KNDC1: variants seen among roughly 807,000 people sequenced by gnomAD.
KNDC1 encodes kinase non-catalytic C-lobe domain containing 1.
Under a neutral mutation model 172.8 loss-of-function variants are expected in KNDC1, and 106 were observed. That is an observed-to-expected ratio of 0.61 (90% CI 0.52 to 0.72). The LOEUF is 0.72. Ranked by LOEUF, KNDC1 falls within the 30% of genes least tolerant of loss-of-function variation. KNDC1 has a pLI of 0.00. For synonymous variants in KNDC1, 1,083 were observed against 1,062.2 expected (o/e 1.02, Z -0.38); for missense variants, 2,325 against 2,394.5 (o/e 0.97, Z 0.61).
Position 133,186,666 on chromosome 10 carries a change from G to A in KNDC1, c.1318G>A (p.Ala440Thr), listed in dbSNP as rs372254199. ...AGCTAGGCAGCTGGAAAGTGCAGCCGCGGAGCAGGTGGGTGCCTGGGTCTT... is the reference window on the plus strand; with the variant it reads ...AGCTAGGCAGCTGGAAAGTGCAGCCACGGAGCAGGTGGGTGCCTGGGTCTT... ...EGARQLESAA[A>T]EQWVSLQDLL... The change falls in exon 6 of 30, where the codon GCG becomes ACG. Residue 440 changes from alanine (A) to threonine (T), a missense_variant. Ala to Thr is a moderately conservative substitution (Grantham distance 58). Transcript: ENST00000304613. 3.9e-5 allele frequency: 62 copies of A among 1,581,240 alleles called. No homozygotes were observed. The highest frequency in any genetic ancestry group is 1.7e-4 in the Middle Eastern group (1 of 5,952).
In KNDC1 at chr10:133,163,859, C is replaced by CG. The variant is rs1554908406; in HGVS notation, c.102+3295dup. ...GCTGCCCTGGAGAGCAGCCCAGTCC[C>CG]GGGGGTTCATGTCCACCTGCCTTCC... On this transcript the variant is annotated intron_variant, in intron 1 of 29. Coordinates refer to ENST00000304613, the MANE Select transcript of KNDC1 (RefSeq NM_152643.8). This position sits in a 1 kb window ranked among gnomAD's most constrained non-coding sequence, Gnocchi z 4.4. 6.6e-6 allele frequency among the ~76,000 whole-genome samples: 1 copy of CG among 151,784 alleles called. No homozygotes were observed. Among genetic ancestry groups the CG allele is most frequent in the Admixed American group, 6.6e-5 (1 of 15,260 alleles).
chr10:133,160,367 G>A lies in KNDC1; in HGVS notation c.-101G>A. The stretch of plus-strand genomic sequence containing the variant: ...CGGCAGCGGCGGGCGGGCGGGGGCG[G>A]GCGAGGGCCGGGCGCGTCTCCATGG... On this transcript the variant is annotated 5_prime_UTR_variant, in exon 1 of 30. Transcript: ENST00000304613. The A allele has an allele frequency of 2.1e-6, 1 of 482,552 alleles. No individual in the cohort carries two copies. The highest frequency in any genetic ancestry group is 3.0e-6 in the Non-Finnish European group (1 of 333,626). 29.9% of individuals were successfully genotyped at this position (482,552 alleles called of 1,614,324 possible). A position where few individuals can be genotyped will look rare whatever the true frequency, so the allele number is the denominator to read the frequency against.
chr10:133,183,814 G>A, intron 4 of KNDC1, 58 bp from the exon 5 acceptor site: 1 of 1,345,598 alleles, frequency 7.4e-7, no homozygotes, highest in Non-Finnish European at 1.0e-6. Flanking sequence ...TCGGGTGGGT[G>A]GCTGCGGGAG....
At chr10:133,190,290 C>T (rs933597895) in intron 9 of KNDC1, among the ~76,000 whole-genome samples, 5 of 136,406 alleles carry the variant, frequency 3.7e-5, no homozygotes, top group African/African-American at 1.1e-4. Context: ...AAGCACCCTG[C>T]GCTAACCACC....
intron 22 of KNDC1, 38 bp from the exon 23 acceptor site, chr10:133,211,641 G>A (rs1233543123): frequency 6.3e-6 from 10 of 1,591,690 alleles, no homozygotes; most frequent in Non-Finnish European, 8.6e-6. Context: ...TCCTCCAGAA[G>A]GTGGCAGTGA....
chr10:133,208,948 C>T (rs528772300), intron 20 of KNDC1, among the ~76,000 whole-genome samples: 40 of 151,748 alleles, frequency 2.6e-4, no homozygotes, highest in Middle Eastern at 3.4e-3. Flanking sequence ...TGTAAGCACA[C>T]GCATGTGTGG....
Position 133,187,603 on chromosome 10 carries a change from C to T in KNDC1, c.1326+929C>T, listed in dbSNP as rs972135208. 5.3e-5 allele frequency among the ~76,000 whole-genome samples: 8 copies of T among 152,254 alleles called. No individual in the cohort carries two copies. The East Asian group carries it at 5.8e-4, about 11-fold the overall frequency. ...CTCTCCCTGGCGGCACGCCTTCCCA[C>T]GCACAACAGCCTACCTTCCCGAAGG... is the stretch of plus-strand genomic sequence containing the variant. On this transcript the variant is annotated intron_variant, in intron 6 of 29. Transcript: ENST00000304613.
chr10:133,170,151 G>A (rs1853328867), intron 3 of KNDC1, among the ~76,000 whole-genome samples: 3 of 152,264 alleles, frequency 2.0e-5, no homozygotes, highest in Admixed American at 6.5e-5. Flanking sequence ...CTTGTGAGGG[G>A]ACTGAGGGGT....
chr10:133,192,852 GAGA>G (rs1179625618), intron 9 of KNDC1, among the ~76,000 whole-genome samples: 2 of 152,132 alleles, frequency 1.3e-5, no homozygotes, highest in Non-Finnish European at 2.9e-5. Flanking sequence ...GGAAAGAGAA[GAGA>G]AGGAGGGTGG....
chr10:133,170,770 A>T (rs1393604634), intron 3 of KNDC1, among the ~76,000 whole-genome samples: 2 of 152,228 alleles, frequency 1.3e-5, no homozygotes, highest in African/African-American at 4.8e-5. Context: ...GGTTGTGGAA[A>T]ACGCCTGGAT....
At chr10:133,221,546 T>C (rs749188922) in intron 29 of KNDC1, among the ~76,000 whole-genome samples, 5 of 152,060 alleles carry the variant, frequency 3.3e-5, no homozygotes, top group Non-Finnish European at 7.4e-5. Flanking sequence ...CCTGCCGTTG[T>C]CCACACACGG....
chr10:133,160,750 C>A (rs962480454), intron 1 of KNDC1, among the ~76,000 whole-genome samples, 181 bp downstream of exon 1: 5 of 152,134 alleles, frequency 3.3e-5, no homozygotes, highest in African/African-American at 4.8e-5. Flanking sequence ...GGGGACAGCA[C>A]CCCCGAATGC....
At chr10:133,184,041 C>CATA in intron 5 of KNDC1, 52 bp downstream of exon 5, 1 of 1,073,598 alleles carries the variant, frequency 9.3e-7, no homozygotes, top group Non-Finnish European at 1.4e-6. Context: ...TACCTGTGTG[C>CATA]CATGTATGCA....
intron 2 of KNDC1, 35 bp from the exon 3 acceptor site, chr10:133,168,219 A>G (rs369631325): frequency 5.0e-6 from 8 of 1,602,026 alleles, no homozygotes; most frequent in African/African-American, 4.0e-5. Flanking sequence ...AGGTGTGACC[A>G]GAAGCCTTCT....
intron 3 of KNDC1, among the ~76,000 whole-genome samples, chr10:133,171,399 T>A (rs540795386): frequency 6.6e-6 from 1 of 152,122 alleles, no homozygotes; most frequent in African/African-American, 2.4e-5. Context: ...GCCTCCCAAG[T>A]AGGTGGGGCT....
chr10:133,196,550 C>T (rs1023770006), intron 10 of KNDC1, among the ~76,000 whole-genome samples: 8 of 152,184 alleles, frequency 5.3e-5, no homozygotes, highest in East Asian at 1.9e-4. Context: ...TGGTCTTGGG[C>T]GGGTTGCTCA....
intron 3 of KNDC1, 138 bp downstream of exon 3, chr10:133,168,450 G>A: frequency 1.2e-6 from 1 of 858,458 alleles, no homozygotes; most frequent in Non-Finnish European, 1.9e-6. Context: ...CTGCTGCCCG[G>A]TTCACTGGGC....
chr10:133,216,902 TCA>T (rs1845477444), intron 26 of KNDC1, among the ~76,000 whole-genome samples: 1 of 152,242 alleles, frequency 6.6e-6, no homozygotes, highest in African/African-American at 2.4e-5. Flanking sequence ...CTCGAGGGAC[TCA>T]GGCTCAGGGA....
intron 17 of KNDC1, among the ~76,000 whole-genome samples, chr10:133,205,258 C>T (rs966234727): frequency 6.6e-6 from 1 of 152,232 alleles, no homozygotes; most frequent in Admixed American, 6.5e-5. Flanking sequence ...TGGGACAACG[C>T]GGCGCCCTCT....
Sources: allele counts gnomAD v4.1 joint callset (sites outside exome capture counted in the v4.1 genomes callset), GRCh38; gene constraint gnomAD v4.1.1; non-coding constraint Gnocchi (gnomAD v3.1); transcripts MANE v1.5; gene names NCBI Gene and HGNC (gene_info 2026-07-23, HGNC 2026-07-21).